Variants in ARSB observed in about 807,000 individuals in gnomAD.
ARSB encodes the protein arylsulfatase B.
In ARSB, 41 loss-of-function variants were observed where a neutral mutation model predicts 50.9. That is an observed-to-expected ratio of 0.81 (90% CI 0.63 to 1.04). The LOEUF is 1.04. ARSB is among the 50% of genes least tolerant of loss of function. The pLI is 0.00. For missense variants in ARSB, 672 were observed against 693.3 expected (o/e 0.97, Z 0.35); for synonymous variants, 269 against 284.8 (o/e 0.94, Z 0.56).
At chr5:78,823,685 A>G (rs918628422) in intron 6 of ARSB, among the ~76,000 whole-genome samples, 6 of 150,562 alleles carry the variant, frequency 4.0e-5, no homozygotes, top group Non-Finnish European at 7.3e-5. Context: ...AACCAGGAAC[A>G]AAAGGAAAAG....
intron 3 of ARSB, among the ~76,000 whole-genome samples, chr5:78,959,942 T>C (rs77526096): frequency 1.3e-5 from 2 of 152,190 alleles, no homozygotes; most frequent in Non-Finnish European, 2.9e-5. Context: ...TGGTCAATTT[T>C]CCCACTCCTG....
At position 78,985,214 on chromosome 5, in the gene ARSB, C is replaced by T. The variant is rs1416299004; in HGVS notation, c.35G>A (p.Gly12Asp). 9 of 1,356,366 alleles carry T rather than the reference C, an allele frequency of 6.6e-6. No individual in the cohort carries two copies. The highest frequency in any genetic ancestry group is 1.5e-5 in the African/African-American group (1 of 65,620). 84.0% of individuals were successfully genotyped at this position (1,356,366 alleles called of 1,614,324 possible). A position where few individuals can be genotyped will look rare whatever the true frequency, so the allele number is the denominator to read the frequency against. ...GAGGAGCAGCCGCCGAGGTCCGGGG[C>T]CTCGGGGCAAGCTCGCCGCGCCGCG... is the stretch of plus-strand genomic sequence containing the variant. ...GPRGAASLPR[G>D]PGPRRLLLPV... The change falls in exon 1 of 8, where the codon GGC (glycine) becomes GAC (aspartate). Residue 12 changes from glycine (G) to aspartate (D), a missense_variant. Transcript: ENST00000264914.
At chr5:78,938,114 T>C (rs1561513292) in intron 4 of ARSB, among the ~76,000 whole-genome samples, 2 of 152,082 alleles carry the variant, frequency 1.3e-5, no homozygotes, top group African/African-American at 2.4e-5. Flanking sequence ...GCAACACGAG[T>C]ACCCAAAGGG....
At chr5:78,911,430 C>T (rs1190066704) in intron 4 of ARSB, among the ~76,000 whole-genome samples, 2 of 151,462 alleles carry the variant, frequency 1.3e-5, no homozygotes, top group Admixed American at 6.6e-5. Flanking sequence ...AAAAATTAGC[C>T]GGGTGTGGTG....
At chr5:78,912,153 A>C (rs1003215894) in intron 4 of ARSB, among the ~76,000 whole-genome samples, 7 of 152,214 alleles carry the variant, frequency 4.6e-5, no homozygotes, top group African/African-American at 1.7e-4. Context: ...CTACAAGCCA[A>C]GTGGTTCCAG....
chr5:78,911,834 A>G lies in ARSB; in HGVS notation c.899-26007T>C, dbSNP rs77224909. 4.7e-3 allele frequency among the ~76,000 whole-genome samples: 723 copies of G among 152,292 alleles called. 2 individuals are homozygous for G. The highest frequency in any genetic ancestry group is 0.016 in the African/African-American group (679 of 41,564). On this transcript the variant is annotated intron_variant, in intron 4 of 7. Coordinates refer to ENST00000264914, the MANE Select transcript of ARSB (RefSeq NM_000046.5). ...AGACAATGAGGTCAAGATAGATTAA[A>G]TGATATGCAAGAGGCTGTACAGCTA...
chr5:78,950,626 G>A (rs1194457374), intron 4 of ARSB, among the ~76,000 whole-genome samples: 1 of 152,192 alleles, frequency 6.6e-6, no homozygotes, highest in African/African-American at 2.4e-5. Context: ...CAAAGAATTA[G>A]AGTGCCAAAA....
chr5:78,940,760 C>A (rs1157112348), intron 4 of ARSB, among the ~76,000 whole-genome samples: 1 of 152,152 alleles, frequency 6.6e-6, no homozygotes, highest in Non-Finnish European at 1.5e-5. Context: ...ATTGACTTGG[C>A]AATGCGGGCT....
intron 1 of ARSB, among the ~76,000 whole-genome samples, chr5:78,971,079 T>C (rs570643328): frequency 6.6e-6 from 1 of 152,262 alleles, no homozygotes; most frequent in South Asian, 2.1e-4. Context: ...AATCCAGACC[T>C]AAGGAATAAA....
intron 1 of ARSB, among the ~76,000 whole-genome samples, chr5:78,969,999 T>C (rs1343143019): frequency 1.3e-5 from 2 of 152,230 alleles, no homozygotes; most frequent in African/African-American, 4.8e-5. Context: ...AAGAGAGTGT[T>C]CAACTTTTTC....
chr5:78,885,343 T>C (rs1364437737), intron 5 of ARSB: 2 of 567,082 alleles, frequency 3.5e-6, no homozygotes, highest in Non-Finnish European at 5.7e-6. Flanking sequence ...AGACCTTCCA[T>C]GGAGGGCGAT....
At chr5:78,933,682 T>C (rs1435348004) in intron 4 of ARSB, among the ~76,000 whole-genome samples, 9 of 152,044 alleles carry the variant, frequency 5.9e-5, no homozygotes, top group African/African-American at 2.2e-4. Flanking sequence ...TCAGAAAGAA[T>C]ACTAAAAAAT....
At chr5:78,855,351 A>G (rs1410660824) in intron 5 of ARSB, among the ~76,000 whole-genome samples, 1 of 152,228 alleles carries the variant, frequency 6.6e-6, no homozygotes, top group African/African-American at 2.4e-5. Flanking sequence ...CTGAGCAGTC[A>G]AAGTACTGTT....
intron 6 of ARSB, among the ~76,000 whole-genome samples, chr5:78,825,120 T>G (rs1744378118): frequency 6.6e-6 from 1 of 152,214 alleles, no homozygotes; most frequent in African/African-American, 2.4e-5. Context: ...CACCAAAACC[T>G]GATAAAGTGC....
intron 1 of ARSB, among the ~76,000 whole-genome samples, chr5:78,972,543 A>ACACACACACACACACACACACACC (rs1361695118): frequency 5.3e-5 from 8 of 150,302 alleles, no homozygotes; most frequent in African/African-American, 2.0e-4. Flanking sequence ...ACACACACAC[A>ACACACACACACACACACACACACC]CCCCAAATCA....
intron 6 of ARSB, among the ~76,000 whole-genome samples, chr5:78,802,200 C>G (rs537304489): frequency 6.6e-6 from 1 of 152,240 alleles, no homozygotes; most frequent in African/African-American, 2.4e-5. Flanking sequence ...ATAACACTTC[C>G]TCAGAGCAGA....
chr5:78,879,728 T>A (rs1324621219), intron 5 of ARSB, among the ~76,000 whole-genome samples: 1 of 152,218 alleles, frequency 6.6e-6, no homozygotes, highest in African/African-American at 2.4e-5. Context: ...GACGTCAATG[T>A]GACTGGGCGA....
At chr5:78,952,615 G>A (rs1320167075) in intron 4 of ARSB, among the ~76,000 whole-genome samples, 1 of 152,136 alleles carries the variant, frequency 6.6e-6, no homozygotes, top group Non-Finnish European at 1.5e-5. Flanking sequence ...GGGATCACAA[G>A]CGTCAGCCAC....
chr5:78,837,418 G>A (rs992918724), intron 6 of ARSB, among the ~76,000 whole-genome samples: 1 of 152,146 alleles, frequency 6.6e-6, no homozygotes, highest in Non-Finnish European at 1.5e-5. Context: ...TACTGGGGTA[G>A]AGAAAAGTTT....
Sources: allele counts gnomAD v4.1 joint callset (sites outside exome capture counted in the v4.1 genomes callset), GRCh38; gene constraint gnomAD v4.1.1; transcripts MANE v1.5; gene names NCBI Gene and HGNC (gene_info 2026-07-23, HGNC 2026-07-21).